SH3BP4: variants seen among roughly 807,000 people sequenced by gnomAD.
The protein encoded by SH3BP4 is SH3 domain-binding protein 4.
A neutral mutation model predicts 65.5 loss-of-function variants in SH3BP4; 33 were observed. That is an observed-to-expected ratio of 0.50 (90% CI 0.38 to 0.67). The LOEUF (loss-of-function observed/expected upper bound fraction) is 0.67, where lower values mean the gene tolerates loss of function less well. Among genes scored for constraint, SH3BP4 ranks in the 30% least tolerant of loss-of-function variants. SH3BP4 has a pLI of 0.00. For missense variants in SH3BP4, 1,134 were observed against 1,261.4 expected (o/e 0.90, Z 1.53); for synonymous variants, 552 against 545.5 (o/e 1.01, Z -0.17).
intron 4 of SH3BP4, among the ~76,000 whole-genome samples, chr2:235,049,517 C>T (rs548207881): frequency 3.9e-5 from 6 of 152,284 alleles, no homozygotes; most frequent in African/African-American, 9.6e-5. Context: ...GGACCACAGA[C>T]GAGGCTGCCA....
chr2:235,047,941 T>C (rs901781446), intron 4 of SH3BP4, among the ~76,000 whole-genome samples: 4 of 151,550 alleles, frequency 2.6e-5, no homozygotes, highest in African/African-American at 9.7e-5. Context: ...GGGAGTGGAG[T>C]GGGGGCCGGA....
intron 1 of SH3BP4, among the ~76,000 whole-genome samples, chr2:234,988,555 C>T (rs551598830): frequency 1.8e-4 from 28 of 152,338 alleles, no homozygotes; most frequent in South Asian, 8.3e-4. Flanking sequence ...AGTAGTCTTC[C>T]GGCCACACAG....
At chr2:234,993,445 G>A (rs911514589) in intron 1 of SH3BP4, among the ~76,000 whole-genome samples, 2 of 152,196 alleles carry the variant, frequency 1.3e-5, no homozygotes, top group Non-Finnish European at 2.9e-5. Flanking sequence ...CCCTGACCAC[G>A]GCATAGGGGC....
chr2:234,992,921 A>C (rs1426578525), intron 1 of SH3BP4, among the ~76,000 whole-genome samples: 1 of 150,310 alleles, frequency 6.7e-6, no homozygotes, highest in Non-Finnish European at 1.5e-5. Flanking sequence ...GAGCCCCTGG[A>C]GATGGACACA....
chr2:235,029,531 G>A (rs1309593996), intron 2 of SH3BP4, among the ~76,000 whole-genome samples: 3 of 152,182 alleles, frequency 2.0e-5, no homozygotes, highest in East Asian at 1.9e-4. Flanking sequence ...CCTAGCCAAG[G>A]GGAGATAGCC....
chr2:234,972,304 G>A (rs1370695252), intron 1 of SH3BP4, among the ~76,000 whole-genome samples: 1 of 151,602 alleles, frequency 6.6e-6, no homozygotes, highest in African/African-American at 2.4e-5. Context: ...GCTAATTTTT[G>A]TATTTTTTTA....
chr2:235,011,335 C>T (rs1414725298), intron 2 of SH3BP4, among the ~76,000 whole-genome samples: 3 of 152,234 alleles, frequency 2.0e-5, no homozygotes, highest in Non-Finnish European at 2.9e-5. Flanking sequence ...ATGTGGCCCT[C>T]TTCTGTCTGT....
At chr2:235,039,255 C>A (rs1428614231) in intron 3 of SH3BP4, among the ~76,000 whole-genome samples, 1 of 152,106 alleles carries the variant, frequency 6.6e-6, no homozygotes, top group Non-Finnish European at 1.5e-5. Flanking sequence ...CTCTGTAACC[C>A]AGTTAATGTA....
Position 235,054,078 on chromosome 2 carries a change from G to GA in SH3BP4, c.*264dup. ...TTAAATTTAAAATCACTTTTTTAAC[G>GA]AATGGGGGGAAGGGATCTATGAGAA... On this transcript the variant is annotated 3_prime_UTR_variant, in exon 6 of 6. Coordinates refer to ENST00000392011, the MANE Select transcript of SH3BP4 (RefSeq NM_014521.3). 1 of 419,038 alleles carries GA rather than the reference G, an allele frequency of 2.4e-6. No individual in the cohort carries two copies. The highest frequency in any genetic ancestry group is 4.3e-6 in the Non-Finnish European group (1 of 233,388). 26.0% of individuals were successfully genotyped at this position (419,038 alleles called of 1,614,324 possible).
intron 4 of SH3BP4, among the ~76,000 whole-genome samples, chr2:235,050,675 C>A (rs1574853155): frequency 6.6e-6 from 1 of 151,890 alleles, no homozygotes; most frequent in East Asian, 1.9e-4. Flanking sequence ...TTGTTAGACT[C>A]CCCCCAGGTA....
Position 235,041,132 on chromosome 2 carries a change from C to T in SH3BP4, c.363C>T (p.Asp121=). Residue 121 remains aspartate, a synonymous_variant, in exon 4 of 6, where the codon GAC becomes GAT. Coordinates refer to ENST00000392011, the MANE Select transcript of SH3BP4 (RefSeq NM_014521.3). The surrounding 1 kb of genome is among the most constrained non-coding windows in gnomAD (Gnocchi z 6.0). ...ACTACCGGAACTCAACACTGAGTGACAGCGGTATGATTGATAATCTTCCAG... is the reference window on the plus strand; with the variant it reads ...ACTACCGGAACTCAACACTGAGTGATAGCGGTATGATTGATAATCTTCCAG... ...PLNYRNSTLS[D]SGMIDNLPDS... The T allele has an allele frequency of 6.2e-7, 1 of 1,614,202 alleles. No homozygotes were observed. The highest frequency in any genetic ancestry group is 8.5e-7 in the Non-Finnish European group (1 of 1,180,038).
At chr2:235,004,974 G>A (rs557344834) in intron 2 of SH3BP4, among the ~76,000 whole-genome samples, 1 of 152,318 alleles carries the variant, frequency 6.6e-6, no homozygotes, top group South Asian at 2.1e-4. Context: ...CCAGGAGGTA[G>A]GGCTTGGTAT....
intron 4 of SH3BP4, among the ~76,000 whole-genome samples, chr2:235,050,153 T>G (rs1696002056): frequency 6.6e-6 from 1 of 151,866 alleles, no homozygotes; most frequent in Non-Finnish European, 1.5e-5. Context: ...TCTCGCTCTG[T>G]CCCCTAGGCT....
chr2:235,036,740 A>AAAAAAAATAATAATAATAAT (rs146049108), intron 3 of SH3BP4, among the ~76,000 whole-genome samples: 1 of 141,740 alleles, frequency 7.1e-6, no homozygotes, highest in African/African-American at 2.7e-5. Context: ...TCTATATAAA[A>AAAAAAAATAATAATAATAAT]AATAATAATA....
intron 2 of SH3BP4, among the ~76,000 whole-genome samples, chr2:235,003,064 A>G (rs1694182649): frequency 6.6e-6 from 1 of 152,258 alleles, no homozygotes; most frequent in Non-Finnish European, 1.5e-5. Context: ...CTTAGTTGCT[A>G]TGAAATAGTT....
In SH3BP4 at chr2:235,041,153, T is replaced by C; in HGVS notation, c.384T>C (p.Leu128=). ...GTGACAGCGGTATGATTGATAATCT[T>C]CCAGACAGCCCAGACGAGGTAGCCA... ...TLSDSGMIDN[L]PDSPDEVAKE... The change falls in exon 4 of 6, where the codon CTT becomes CTC. Residue 128 remains leucine (L), a synonymous_variant. Transcript: ENST00000392011. The surrounding 1 kb of genome is among the most constrained non-coding windows in gnomAD (Gnocchi z 6.0). The C allele has an allele frequency of 6.2e-7, 1 of 1,614,146 alleles. No homozygotes were observed. The highest frequency in any genetic ancestry group is 8.5e-7 in the Non-Finnish European group (1 of 1,180,032).
rs185514910 is a variant in SH3BP4, at chr2:234,997,628, G to A, written c.-133+2252G>A. On this transcript the variant is annotated intron_variant, in intron 2 of 5. Transcript: ENST00000392011. This position sits in a 1 kb window ranked among gnomAD's most constrained non-coding sequence, Gnocchi z 4.2. Reference sequence around the variant, plus strand: ...GGTGCGGAGATCGAGGCCCCACAAGGCCTGCCCCTGTGGTTGTTCCCACTG... The same window carrying A: ...GGTGCGGAGATCGAGGCCCCACAAGACCTGCCCCTGTGGTTGTTCCCACTG... 1.4e-4 allele frequency among the ~76,000 whole-genome samples: 22 copies of A among 152,280 alleles called. No homozygotes were observed. In the East Asian group the frequency reaches 4.3e-3, roughly 29 times the overall value.
At chr2:235,016,611 C>T (rs967747819) in intron 2 of SH3BP4, among the ~76,000 whole-genome samples, 2 of 152,098 alleles carry the variant, frequency 1.3e-5, no homozygotes, top group African/African-American at 2.4e-5. Context: ...TGAGTTCAAG[C>T]GATTCTCCTG....
chr2:235,022,404 T>G (rs1694870657), intron 2 of SH3BP4, among the ~76,000 whole-genome samples: 1 of 151,926 alleles, frequency 6.6e-6, no homozygotes, highest in Non-Finnish European at 1.5e-5. Flanking sequence ...AATACAAAAA[T>G]TAGCCAGGTG....
Sources: gnomAD v4.1 joint callset for allele counts (sites outside exome capture counted in the v4.1 genomes callset) on GRCh38, gnomAD v4.1.1 for gene constraint, Gnocchi (gnomAD v3.1) non-coding constraint, MANE v1.5 for transcripts, NCBI Gene and HGNC (gene_info 2026-07-23, HGNC 2026-07-21) for gene names.